EPB41L4B: variants seen among roughly 807,000 people sequenced by gnomAD.
EPB41L4B encodes the protein band 4.1-like protein 4B.
EPB41L4B carries 30 observed loss-of-function variants against 112.5 expected under a neutral mutation model. The observed-to-expected ratio is 0.27, with a 90% CI of 0.20 to 0.36. The LOEUF (loss-of-function observed/expected upper bound fraction) is 0.36, where lower values mean the gene tolerates loss of function less well. EPB41L4B is among the 10% of genes least tolerant of loss of function. The pLI, the probability that EPB41L4B is intolerant of heterozygous loss-of-function variation, is 1.00. For missense variants in EPB41L4B, 1,024 were observed against 1,133.3 expected, an observed-to-expected ratio of 0.90 and a Z score of 1.38; for synonymous variants, 408 against 439.7, an observed-to-expected ratio of 0.93 and a Z score of 0.90.
intron 15 of EPB41L4B, among the ~76,000 whole-genome samples, chr9:109,225,579 A>G (rs1175062937): frequency 6.6e-6 from 1 of 152,206 alleles, no homozygotes; most frequent in African/African-American, 2.4e-5. Context: ...CGATTCAATT[A>G]TCTCCCACCA....
chr9:109,178,284 A>G (rs1343208560), intron 24 of EPB41L4B, among the ~76,000 whole-genome samples: 1 of 151,944 alleles, frequency 6.6e-6, no homozygotes, highest in African/African-American at 2.4e-5. Context: ...TATATATTTT[A>G]TAACTAGATT....
chr9:109,190,678 C>G (rs1832429586), intron 22 of EPB41L4B, among the ~76,000 whole-genome samples: 1 of 152,240 alleles, frequency 6.6e-6, no homozygotes, highest in Admixed American at 6.5e-5. Flanking sequence ...CCATCTGCCA[C>G]TGGAATGGCA....
At chr9:109,281,710 AAATAAATAAATAAATTAATT>A (rs1231617820) in intron 1 of EPB41L4B, among the ~76,000 whole-genome samples, 1,322 of 127,652 alleles carry the variant, frequency 0.01, 27 homozygotes, top group African/African-American at 0.041. Flanking sequence ...ATAAATAAAT[AAATAAATAAATAAATTAATT>A]AATTAATTTT....
intron 1 of EPB41L4B, among the ~76,000 whole-genome samples, chr9:109,294,834 G>A (rs1045037685): frequency 2.0e-5 from 3 of 151,942 alleles, no homozygotes; most frequent in Admixed American, 6.6e-5. Flanking sequence ...ACACTTTCTC[G>A]ATATTTTGTA....
intron 15 of EPB41L4B, among the ~76,000 whole-genome samples, chr9:109,243,212 C>CAAA (rs58092749): frequency 1.5e-3 from 81 of 52,278 alleles, no homozygotes; most frequent in Non-Finnish European, 2.2e-3. Context: ...CCCACCCCCG[C>CAAA]AAAAAAAAAA....
intron 22 of EPB41L4B, among the ~76,000 whole-genome samples, chr9:109,191,911 C>G (rs1832472698): frequency 6.6e-6 from 1 of 152,166 alleles, no homozygotes; most frequent in African/African-American, 2.4e-5. Context: ...TGCTTCAGAC[C>G]AGATGGATCG....
At position 109,279,878 on chromosome 9, in the gene EPB41L4B, T is replaced by C; in HGVS notation, c.350A>G (p.His117Arg). The change falls in exon 2 of 26, where the codon CAC (histidine) becomes CGC (arginine). Residue 117 changes from histidine to arginine, a missense_variant. Coordinates refer to ENST00000374566, the MANE Select transcript of EPB41L4B (RefSeq NM_019114.5). The part of the protein sequence containing the change: ...GQDLFDQIVY[H>R]LDLVETDYFG... ...GTAATCTGTTTCCACAAGGTCCAAG[T>C]GGTACACAATCTGATCAAACAAATC... 6.2e-7 allele frequency: 1 copy of C among 1,614,064 alleles called. No individual in the cohort carries two copies. Among genetic ancestry groups the C allele is most frequent in the Non-Finnish European group, 8.5e-7 (1 of 1,180,018 alleles).
At chr9:109,227,189 A>G (rs1435763845) in intron 15 of EPB41L4B, among the ~76,000 whole-genome samples, 1 of 152,080 alleles carries the variant, frequency 6.6e-6, no homozygotes, top group East Asian at 1.9e-4. Context: ...GACTGTCTTA[A>G]TTACTTTTGT....
At chr9:109,204,664 T>C (rs1832937517) in intron 18 of EPB41L4B, among the ~76,000 whole-genome samples, 1 of 152,068 alleles carries the variant, frequency 6.6e-6, no homozygotes, top group South Asian at 2.1e-4. Flanking sequence ...GCTAATTTGT[T>C]TCATATTTTT....
intron 2 of EPB41L4B, among the ~76,000 whole-genome samples, chr9:109,275,611 C>T (rs1270468859): frequency 6.6e-6 from 1 of 152,166 alleles, no homozygotes; most frequent in African/African-American, 2.4e-5. Flanking sequence ...CCTCACACTG[C>T]CCAGCTACAA....
At position 109,251,500 on chromosome 9, in the gene EPB41L4B, C is replaced by T. The variant is rs772390464; in HGVS notation, c.1291G>A (p.Val431Met). 13 of 1,614,128 alleles carry T rather than the reference C, an allele frequency of 8.1e-6. No individual in the cohort carries two copies. In the South Asian group the frequency reaches 1.3e-4, roughly 16 times the overall value. ...ACTCACCAGAGCTGGGCTGCTATCACTGGGTTGCTTGCTATAAAGGAAAAA... is the reference window on the plus strand; with the variant it reads ...ACTCACCAGAGCTGGGCTGCTATCATTGGGTTGCTTGCTATAAAGGAAAAA... ...RHSTFKASNP[V>M]IAAQLCSKTN... The change falls in exon 13 of 26, where the codon GTG becomes ATG. Residue 431 changes from valine (V) to methionine (M), a missense_variant. Physicochemically the swap from Val to Met is conservative, Grantham distance 21. Transcript: ENST00000374566.
At chr9:109,178,611 G>C (rs2118590416) in intron 24 of EPB41L4B, among the ~76,000 whole-genome samples, 1 of 151,842 alleles carries the variant, frequency 6.6e-6, no homozygotes, top group East Asian at 2.0e-4. Context: ...ACCATAACTG[G>C]GGTTTTTTTT....
At chr9:109,211,650 G>A (rs10816786) in intron 17 of EPB41L4B, among the ~76,000 whole-genome samples, 6,142 of 150,594 alleles carry the variant, frequency 0.041, 262 homozygotes, top group East Asian at 0.1. Flanking sequence ...GTGTGTGTCG[G>A]GACAAAGTCA....
intron 24 of EPB41L4B, among the ~76,000 whole-genome samples, chr9:109,180,838 G>A (rs2118605707): frequency 6.6e-6 from 1 of 152,298 alleles, no homozygotes; most frequent in South Asian, 2.1e-4. Flanking sequence ...CAGAGTGAGA[G>A]GAAGGAGGTG....
At chr9:109,245,371 G>GA (rs1310224596) in intron 14 of EPB41L4B, among the ~76,000 whole-genome samples, 2 of 152,170 alleles carry the variant, frequency 1.3e-5, no homozygotes, top group Non-Finnish European at 2.9e-5. Flanking sequence ...CACAGACCTG[G>GA]AAAAAGATTT....
At chr9:109,318,063 C>T (rs983878814) in intron 1 of EPB41L4B, among the ~76,000 whole-genome samples, 4 of 152,250 alleles carry the variant, frequency 2.6e-5, no homozygotes, top group Non-Finnish European at 5.9e-5. Context: ...TGCCCACTGG[C>T]GATTTTTCTT....
At chr9:109,269,253 C>A (rs1835523101) in intron 2 of EPB41L4B, among the ~76,000 whole-genome samples, 2 of 152,218 alleles carry the variant, frequency 1.3e-5, no homozygotes, top group Non-Finnish European at 2.9e-5. Flanking sequence ...ACGGCAAATG[C>A]AAAGGCAGGC....
At chr9:109,284,899 G>C (rs541225447) in intron 1 of EPB41L4B, among the ~76,000 whole-genome samples, 4 of 152,270 alleles carry the variant, frequency 2.6e-5, no homozygotes, top group South Asian at 4.1e-4. Flanking sequence ...TTTCATTAGA[G>C]AATCTGCTAG....
chr9:109,216,647 C>CAAAAAAAAAA, intron 16 of EPB41L4B, among the ~76,000 whole-genome samples: 1 of 132,592 alleles, frequency 7.5e-6, no homozygotes, highest in Non-Finnish European at 1.6e-5. Context: ...GACTCCATCT[C>CAAAAAAAAAA]AAAAAAAAAA....
Sources: allele counts gnomAD v4.1 joint callset (sites outside exome capture counted in the v4.1 genomes callset), GRCh38; gene constraint gnomAD v4.1.1; transcripts MANE v1.5; gene names NCBI Gene and HGNC (gene_info 2026-07-23, HGNC 2026-07-21).